Variants in CYP39A1 observed in about 807,000 individuals in gnomAD.
CYP39A1 encodes the protein 24-hydroxycholesterol 7-alpha-hydroxylase.
In CYP39A1, 49 loss-of-function variants were observed where a neutral mutation model predicts 58.1. That is an observed-to-expected ratio of 0.84 (90% CI 0.67 to 1.07). The LOEUF (loss-of-function observed/expected upper bound fraction) is 1.07. Among genes scored for constraint, CYP39A1 ranks in the 50% least tolerant of loss-of-function variants. The pLI, the probability that CYP39A1 is intolerant of heterozygous loss-of-function variation, is 0.00. For missense variants in CYP39A1, 531 were observed against 539.4 expected (o/e 0.98, Z 0.16); for synonymous variants, 209 against 187.6 (o/e 1.11, Z -0.93).
In CYP39A1 at chr6:46,636,442, CA is replaced by C; in HGVS notation, c.678del (p.Phe226LeufsTer8). 6.2e-7 allele frequency: 1 copy of C among 1,610,056 alleles called. No homozygotes were observed. The highest frequency in any genetic ancestry group is 8.5e-7 in the Non-Finnish European group (1 of 1,179,092). ...GCTTTTATATCTGGAATGTTTTTCT[CA>C]AACAGTTCCAGGAACCACTTTTTGG... ...SKSKKWFLEL[F>X]EKNIPDIKAC... On this transcript the variant is annotated frameshift_variant, in exon 5 of 12. Transcript: ENST00000275016. LOFTEE classifies it high-confidence loss of function.
intron 10 of CYP39A1, among the ~76,000 whole-genome samples, chr6:46,560,193 C>A (rs972082478): frequency 6.6e-6 from 1 of 152,112 alleles, no homozygotes; most frequent in African/African-American, 2.4e-5. Flanking sequence ...TGGGAAGCTA[C>A]TGGACAGTTT....
chr6:46,580,298 C>A (rs1388480331), intron 10 of CYP39A1, among the ~76,000 whole-genome samples: 1 of 152,088 alleles, frequency 6.6e-6, no homozygotes, highest in African/African-American at 2.4e-5. Flanking sequence ...AACTAGCTAG[C>A]CATATGCAGA....
rs1205653583 is a variant in CYP39A1 at position 46,550,319 on chromosome 6, G to A, written c.*47C>T. 2 of 1,537,526 alleles carry A rather than the reference G, an allele frequency of 1.3e-6. No individual in the cohort carries two copies. The highest frequency in any genetic ancestry group is 1.8e-6 in the Non-Finnish European group (2 of 1,117,338). ...GGTCTAGGTGCTGCCAGGTGGGGTA[G>A]TGCCACTCCTCCAGAAGGCCCTGGT... On this transcript the variant is annotated 3_prime_UTR_variant, in exon 12 of 12. Transcript: ENST00000275016.
intron 5 of CYP39A1, 25 bp from the exon 6 acceptor site, chr6:46,631,095 C>G (rs751809388): frequency 1.3e-6 from 2 of 1,509,550 alleles, no homozygotes; most frequent in East Asian, 2.3e-5. Flanking sequence ...TAAACATTGC[C>G]AAACCATGGC....
intron 7 of CYP39A1, among the ~76,000 whole-genome samples, chr6:46,601,144 A>G (rs1773470288): frequency 6.6e-6 from 1 of 152,198 alleles, no homozygotes; most frequent in Non-Finnish European, 1.5e-5. Context: ...TGTTGTGTGT[A>G]GAGAAACAGT....
intron 7 of CYP39A1, among the ~76,000 whole-genome samples, chr6:46,607,803 T>A (rs1395437086): frequency 6.6e-6 from 1 of 152,178 alleles, no homozygotes. Flanking sequence ...CTTCCAAGAT[T>A]TAAAGAGTGC....
At position 46,637,975 on chromosome 6, in the gene CYP39A1, A is replaced by T; in HGVS notation, c.492T>A (p.His164Gln). 6.2e-7 allele frequency: 1 copy of T among 1,600,462 alleles called. No homozygotes were observed. Among genetic ancestry groups the T allele is most frequent in the Non-Finnish European group, 8.5e-7 (1 of 1,176,874 alleles). Residue 164 changes from histidine to glutamine, a missense_variant, in exon 4 of 12, where the codon CAT becomes CAA. Transcript: ENST00000275016. ...GTMDLNNLVRHLLYPVTVNML... is the reference protein window; with the variant it reads ...GTMDLNNLVRQLLYPVTVNML... ...TATTCACTGTGACTGGATAAAGGAG[A>T]TGTCTACAAAGACAGAAACACACAA... is the stretch of plus-strand genomic sequence containing the variant.
intron 10 of CYP39A1, among the ~76,000 whole-genome samples, chr6:46,566,834 T>TTATA (rs3085574): frequency 8.0e-5 from 12 of 149,444 alleles, no homozygotes; most frequent in Non-Finnish European, 1.5e-4. Flanking sequence ...AATGAGATGA[T>TTATA]TATATATATA....
chr6:46,624,745 A>C (rs1011514932), intron 7 of CYP39A1, among the ~76,000 whole-genome samples: 1 of 152,014 alleles, frequency 6.6e-6, no homozygotes, highest in Non-Finnish European at 1.5e-5. Context: ...AAAAAAGTCA[A>C]CTCCCCAGAT....
At chr6:46,620,111 A>G (rs2150564727) in intron 7 of CYP39A1, among the ~76,000 whole-genome samples, 1 of 152,268 alleles carries the variant, frequency 6.6e-6, no homozygotes, top group South Asian at 2.1e-4. Context: ...CAAGAAAAAA[A>G]CAGTTGAATC....
intron 10 of CYP39A1, among the ~76,000 whole-genome samples, chr6:46,558,267 A>G (rs550947260): frequency 1.3e-5 from 2 of 152,252 alleles, no homozygotes; most frequent in East Asian, 1.9e-4. Context: ...AAAAAAAAAG[A>G]GGTTTAATTG....
At chr6:46,581,226 A>T (rs1219433743) in intron 10 of CYP39A1, among the ~76,000 whole-genome samples, 2 of 152,142 alleles carry the variant, frequency 1.3e-5, no homozygotes, top group African/African-American at 4.8e-5. Flanking sequence ...TATGAAACAT[A>T]GTGAGACCTT....
chr6:46,623,021 T>A (rs1019155391), intron 7 of CYP39A1, among the ~76,000 whole-genome samples: 6 of 152,018 alleles, frequency 3.9e-5, no homozygotes, highest in African/African-American at 1.4e-4. Context: ...TAGAAGTGAG[T>A]GTTGAAGCCA....
At chr6:46,627,388 C>G (rs1247371230) in intron 6 of CYP39A1, among the ~76,000 whole-genome samples, 1 of 151,292 alleles carries the variant, frequency 6.6e-6, no homozygotes, top group African/African-American at 2.4e-5. Context: ...AGCAATTTAG[C>G]TAAACTACAA....
At chr6:46,626,891 A>G (rs944809447) in intron 6 of CYP39A1, among the ~76,000 whole-genome samples, 1 of 152,178 alleles carries the variant, frequency 6.6e-6, no homozygotes, top group African/African-American at 2.4e-5. Flanking sequence ...GGGGAAAAAA[A>G]TAGTGATAAG....
intron 10 of CYP39A1, among the ~76,000 whole-genome samples, chr6:46,586,741 A>G (rs1322998185): frequency 6.6e-6 from 1 of 152,136 alleles, no homozygotes; most frequent in Non-Finnish European, 1.5e-5. Context: ...AGTGAAAGAA[A>G]TATAATTCTA....
intron 1 of CYP39A1, among the ~76,000 whole-genome samples, chr6:46,648,009 A>T (rs1319156684): frequency 5.3e-5 from 8 of 152,202 alleles, no homozygotes; most frequent in Non-Finnish European, 1.0e-4. Flanking sequence ...AAGTCAGGAA[A>T]CAACAGGTGC....
chr6:46,616,845 C>A (rs1774641478), intron 7 of CYP39A1, among the ~76,000 whole-genome samples: 1 of 152,064 alleles, frequency 6.6e-6, no homozygotes, highest in South Asian at 2.1e-4. Context: ...AGATTTCATT[C>A]TGAGTGAGAT....
chr6:46,624,475 G>A (rs1251332924), intron 7 of CYP39A1, among the ~76,000 whole-genome samples: 2 of 151,934 alleles, frequency 1.3e-5, no homozygotes, highest in African/African-American at 4.8e-5. Context: ...ATCTGCTGAC[G>A]CATACTCAAG....
Sources: gnomAD v4.1 joint callset for allele counts (sites outside exome capture counted in the v4.1 genomes callset) on GRCh38, gnomAD v4.1.1 for gene constraint, MANE v1.5 for transcripts, NCBI Gene and HGNC (gene_info 2026-07-23, HGNC 2026-07-21) for gene names.